Variants in DPP10 observed in about 807,000 individuals in gnomAD.
The protein encoded by DPP10 is dipeptidyl peptidase like 10.
Under a neutral mutation model 120.9 loss-of-function variants are expected in DPP10, and 33 were observed. The observed-to-expected ratio is 0.27, with a 90% CI of 0.21 to 0.37. DPP10 has a LOEUF of 0.37. Among genes scored for constraint, DPP10 ranks in the 10% least tolerant of loss-of-function variants. The pLI is 1.00. For missense variants in DPP10, 816 were observed against 942.8 expected (o/e 0.87, Z 1.76); for synonymous variants, 337 against 326.1 (o/e 1.03, Z -0.36).
chr2:115,437,968 G>C (rs917432702), intron 3 of DPP10, among the ~76,000 whole-genome samples: 6 of 151,898 alleles, frequency 4.0e-5, no homozygotes, highest in Non-Finnish European at 8.8e-5. Context: ...TACTTCAGGA[G>C]AAAAAGTTGT....
chr2:115,191,133 G>C (rs1296434445), intron 1 of DPP10, among the ~76,000 whole-genome samples: 1 of 152,170 alleles, frequency 6.6e-6, no homozygotes, highest in African/African-American at 2.4e-5. Flanking sequence ...ATGGTAATCT[G>C]TACTGGGTTA....
At chr2:114,448,652 G>A (rs781394923) in intron 1 of DPP10, among the ~76,000 whole-genome samples, 2 of 152,110 alleles carry the variant, frequency 1.3e-5, no homozygotes, top group Non-Finnish European at 2.9e-5. Context: ...CTGAGCTAAA[G>A]AATTACAAAA....
At chr2:115,105,549 A>G (rs985091755) in intron 1 of DPP10, among the ~76,000 whole-genome samples, 2 of 152,178 alleles carry the variant, frequency 1.3e-5, no homozygotes, top group African/African-American at 4.8e-5. Flanking sequence ...GCACCAAGTC[A>G]TTCATGAGGA....
At chr2:115,227,890 A>G (rs1051954258) in intron 1 of DPP10, among the ~76,000 whole-genome samples, 1 of 148,502 alleles carries the variant, frequency 6.7e-6, no homozygotes, top group African/African-American at 2.5e-5. Flanking sequence ...ATAGTTGTAT[A>G]TATTTATGAG....
At chr2:115,483,960 A>C (rs567946474) in intron 3 of DPP10, among the ~76,000 whole-genome samples, 2 of 152,202 alleles carry the variant, frequency 1.3e-5, no homozygotes, top group African/African-American at 4.8e-5. Flanking sequence ...TTCTCCTGGC[A>C]AGCTTCCTCA....
intron 1 of DPP10, among the ~76,000 whole-genome samples, chr2:114,910,946 C>T (rs755688072): frequency 1.3e-5 from 2 of 152,070 alleles, no homozygotes; most frequent in Non-Finnish European, 2.9e-5. Context: ...TATTCTTGTT[C>T]TTTAACATTC....
chr2:115,304,957 G>A (rs1464249506), intron 1 of DPP10, among the ~76,000 whole-genome samples: 4 of 152,062 alleles, frequency 2.6e-5, no homozygotes, highest in African/African-American at 9.7e-5. Flanking sequence ...TAGATGTAAT[G>A]TAAATAGTTA....
chr2:114,503,352 A>G (rs1683361888), intron 1 of DPP10, among the ~76,000 whole-genome samples: 1 of 152,198 alleles, frequency 6.6e-6, no homozygotes, highest in Non-Finnish European at 1.5e-5. Context: ...TCAATATCTA[A>G]TCATGAAATG....
At chr2:114,787,020 G>T (rs1323965516) in intron 1 of DPP10, among the ~76,000 whole-genome samples, 1 of 152,264 alleles carries the variant, frequency 6.6e-6, no homozygotes, top group East Asian at 1.9e-4. Context: ...CTCTCATGGG[G>T]TTCACATTTG....
intron 1 of DPP10, among the ~76,000 whole-genome samples, chr2:115,041,994 T>C (rs1282339395): frequency 6.6e-6 from 1 of 150,428 alleles, no homozygotes; most frequent in African/African-American, 2.4e-5. Flanking sequence ...AATTAAACTG[T>C]TTTTCTATCT....
chr2:114,479,411 G>A (rs1289082606), intron 1 of DPP10, among the ~76,000 whole-genome samples: 3 of 149,962 alleles, frequency 2.0e-5, no homozygotes. Context: ...ATGAAAAAAT[G>A]AAAAAAAAAC....
intron 3 of DPP10, among the ~76,000 whole-genome samples, chr2:115,438,223 AT>A (rs1324762615): frequency 6.6e-6 from 1 of 152,164 alleles, no homozygotes; most frequent in Non-Finnish European, 1.5e-5. Flanking sequence ...CATGAAAAAA[AT>A]ATTGCAACAA....
chr2:114,523,924 G>A (rs1179585871), intron 1 of DPP10, among the ~76,000 whole-genome samples: 1 of 152,110 alleles, frequency 6.6e-6, no homozygotes, highest in Non-Finnish European at 1.5e-5. Flanking sequence ...AGACAGTGTT[G>A]GTAATATCGA....
intron 3 of DPP10, among the ~76,000 whole-genome samples, chr2:115,356,838 G>T (rs987036887): frequency 3.3e-5 from 5 of 152,136 alleles, no homozygotes; most frequent in African/African-American, 1.2e-4. Flanking sequence ...GAACATATGG[G>T]TGTCTTCTTG....
intron 1 of DPP10, among the ~76,000 whole-genome samples, chr2:115,172,984 A>G (rs1230058049): frequency 1.3e-5 from 2 of 152,376 alleles, no homozygotes; most frequent in East Asian, 3.9e-4. Context: ...GAGTTGGTTA[A>G]GAAGCTGCAT....
intron 1 of DPP10, among the ~76,000 whole-genome samples, chr2:114,462,864 C>T (rs183119636): frequency 6.6e-6 from 1 of 152,300 alleles, no homozygotes; most frequent in Admixed American, 6.5e-5. Context: ...TTCTCCCACC[C>T]CCTGTTGACT....
chr2:114,463,120 A>T (rs1013255522), intron 1 of DPP10, among the ~76,000 whole-genome samples: 2 of 152,078 alleles, frequency 1.3e-5, no homozygotes, highest in African/African-American at 4.8e-5. Flanking sequence ...CAGGGGATTC[A>T]TCGCTTCTAG....
chr2:115,609,823 C>G (rs945688614), intron 5 of DPP10, among the ~76,000 whole-genome samples: 2 of 151,928 alleles, frequency 1.3e-5, no homozygotes, highest in Admixed American at 6.6e-5. Context: ...AATAGTGAAA[C>G]GACTGAAAAC....
intron 1 of DPP10, among the ~76,000 whole-genome samples, chr2:115,266,232 A>G (rs1044648630): frequency 6.6e-6 from 1 of 152,232 alleles, no homozygotes; most frequent in African/African-American, 2.4e-5. Flanking sequence ...ATATCTGAAC[A>G]TGAATTCCAG....
Sources: allele counts gnomAD v4.1 joint callset (sites outside exome capture counted in the v4.1 genomes callset), GRCh38; gene constraint gnomAD v4.1.1; transcripts MANE v1.5; gene names NCBI Gene and HGNC (gene_info 2026-07-23, HGNC 2026-07-21).